PRKG1: variants seen among roughly 807,000 people sequenced by gnomAD.
PRKG1 encodes cGMP-dependent protein kinase 1.
A neutral mutation model predicts 88.1 loss-of-function variants in PRKG1; 35 were observed. The observed-to-expected ratio is 0.40, with a 90% CI of 0.30 to 0.53. PRKG1 has a LOEUF of 0.53. Ranked by LOEUF, PRKG1 falls within the 20% of genes least tolerant of loss-of-function variation. PRKG1 has a pLI of 0.59. For synonymous variants in PRKG1, 303 were observed against 292.5 expected, an observed-to-expected ratio of 1.04 and a Z score of -0.37; for missense variants, 540 against 839.8, an observed-to-expected ratio of 0.64 and a Z score of 4.41.
intron 1 of PRKG1, among the ~76,000 whole-genome samples, chr10:51,088,965 A>C (rs1242225555): frequency 3.3e-5 from 5 of 152,094 alleles, no homozygotes; most frequent in African/African-American, 1.2e-4. Flanking sequence ...TTGCATTTGG[A>C]TGCTTTGGCA....
intron 9 of PRKG1, among the ~76,000 whole-genome samples, chr10:52,217,979 C>T (rs774363490): frequency 1.3e-5 from 2 of 151,922 alleles, no homozygotes; most frequent in African/African-American, 4.8e-5. Flanking sequence ...TTTGGGAGGC[C>T]GAGGCAGGTG....
chr10:51,234,372 G>A (rs1838926276), intron 2 of PRKG1, among the ~76,000 whole-genome samples: 1 of 152,158 alleles, frequency 6.6e-6, no homozygotes, highest in South Asian at 2.1e-4. Flanking sequence ...GATAGAAGCT[G>A]CTGCTTCGTT....
chr10:51,920,425 G>A (rs1842439518), intron 5 of PRKG1, among the ~76,000 whole-genome samples: 1 of 152,108 alleles, frequency 6.6e-6, no homozygotes, highest in Non-Finnish European at 1.5e-5. Flanking sequence ...CCATCTTGCC[G>A]ATTTCCCAGT....
rs544333026 is a variant in PRKG1 at position 52,128,673 on chromosome 10, A to G, written c.936-5167A>G. The G allele has an allele frequency of 1.0e-5, 7 of 698,694 alleles. No homozygotes were observed. The East Asian group carries it at 6.7e-4, about 67-fold the overall frequency. 43.3% of individuals were successfully genotyped at this position (698,694 alleles called of 1,614,324 possible). Reference sequence around the variant, plus strand: ...TAAAAAGAGGCCACTACTAAACTGCATAGCTTTGATTGTAATTACTAATTA... The same window carrying G: ...TAAAAAGAGGCCACTACTAAACTGCGTAGCTTTGATTGTAATTACTAATTA... On this transcript the variant is annotated intron_variant, in intron 7 of 17. Coordinates refer to ENST00000373980, the MANE Select transcript of PRKG1 (RefSeq NM_006258.4).
At chr10:52,179,934 G>A (rs984687924) in intron 9 of PRKG1, among the ~76,000 whole-genome samples, 10 of 152,220 alleles carry the variant, frequency 6.6e-5, no homozygotes, top group East Asian at 1.9e-4. Flanking sequence ...TGATCTGCCC[G>A]CTTTGGCATC....
chr10:51,742,415 G>A (rs115220773), intron 3 of PRKG1, among the ~76,000 whole-genome samples: 4 of 152,284 alleles, frequency 2.6e-5, no homozygotes, highest in African/African-American at 4.8e-5. Context: ...CTTAATAGCC[G>A]TGAGATAAGA....
intron 3 of PRKG1, among the ~76,000 whole-genome samples, chr10:51,532,229 T>C (rs1386695486): frequency 6.6e-6 from 1 of 152,212 alleles, no homozygotes; most frequent in Admixed American, 6.5e-5. Flanking sequence ...GACTATTGTT[T>C]CAGTGGGTTG....
chr10:52,201,107 C>T (rs1190107574), intron 9 of PRKG1, among the ~76,000 whole-genome samples: 1 of 151,982 alleles, frequency 6.6e-6, no homozygotes, highest in Non-Finnish European at 1.5e-5. Flanking sequence ...CTTTTGGTGC[C>T]TTCGTTATGA....
At chr10:52,065,605 C>T (rs992723463) in intron 7 of PRKG1, among the ~76,000 whole-genome samples, 1 of 152,156 alleles carries the variant, frequency 6.6e-6, no homozygotes, top group Non-Finnish European at 1.5e-5. Flanking sequence ...TCAGAAGTAA[C>T]TACACTCAAC....
chr10:51,036,343 C>T (rs1031866568), intron 1 of PRKG1, among the ~76,000 whole-genome samples: 12 of 152,072 alleles, frequency 7.9e-5, no homozygotes, highest in African/African-American at 2.9e-4. Flanking sequence ...ACAGGTATTA[C>T]TTTCATAGGA....
At chr10:51,444,203 G>C (rs1279891674) in intron 2 of PRKG1, among the ~76,000 whole-genome samples, 1 of 151,408 alleles carries the variant, frequency 6.6e-6, no homozygotes, top group Non-Finnish European at 1.5e-5. Context: ...GCCTTGAAAT[G>C]GGCAGGGTCT....
intron 5 of PRKG1, among the ~76,000 whole-genome samples, chr10:51,943,913 C>G (rs1277370076): frequency 6.6e-6 from 1 of 151,904 alleles, no homozygotes; most frequent in Admixed American, 6.6e-5. Flanking sequence ...GTCTAAAATT[C>G]TCTTTTTTGG....
At chr10:51,512,052 T>C (rs1205567410) in intron 3 of PRKG1, among the ~76,000 whole-genome samples, 20 of 152,270 alleles carry the variant, frequency 1.3e-4, no homozygotes, top group Non-Finnish European at 4.4e-5. Context: ...ATTCCATTTA[T>C]ACAAAGTACC....
chr10:50,993,822 T>A (rs1348522588), intron 1 of PRKG1, among the ~76,000 whole-genome samples: 1 of 152,090 alleles, frequency 6.6e-6, no homozygotes, highest in Non-Finnish European at 1.5e-5. Context: ...AGGAGGTGTT[T>A]TGTTGTTGTT....
chr10:51,392,903 GGGGGCTGACCACCCCCACCTCCCTCC>G (rs1837460339), intron 2 of PRKG1, among the ~76,000 whole-genome samples: 2 of 68,928 alleles, frequency 2.9e-5, no homozygotes, highest in Non-Finnish European at 8.1e-5. Context: ...TGGCCGGGTG[GGGGGCTGACCACCCCCACCTCCCTCC>G]CGGACGGGGC....
At chr10:51,445,752 G>C (rs1839254446) in intron 2 of PRKG1, among the ~76,000 whole-genome samples, 1 of 151,654 alleles carries the variant, frequency 6.6e-6, no homozygotes, top group Non-Finnish European at 1.5e-5. Context: ...AAAATGTCTT[G>C]TGTGACTGGA....
At chr10:51,245,469 G>A (rs923816285) in intron 2 of PRKG1, 6 of 152,030 alleles carry the variant, frequency 3.9e-5, no homozygotes, top group Admixed American at 1.3e-4. Context: ...ATTTAGAGAT[G>A]TGCACACTAT....
At chr10:51,491,362 C>A (rs1241680954) in intron 3 of PRKG1, among the ~76,000 whole-genome samples, 1 of 152,018 alleles carries the variant, frequency 6.6e-6, no homozygotes, top group Non-Finnish European at 1.5e-5. Flanking sequence ...ATGGCAGATA[C>A]CTCAGATGGA....
chr10:51,105,568 A>AT (rs1243645816), intron 1 of PRKG1, among the ~76,000 whole-genome samples: 1 of 152,328 alleles, frequency 6.6e-6, no homozygotes, highest in East Asian at 1.9e-4. Context: ...GATGTCTATT[A>AT]TTTTTTGTAA....
Sources: allele counts gnomAD v4.1 joint callset (sites outside exome capture counted in the v4.1 genomes callset), GRCh38; gene constraint gnomAD v4.1.1; transcripts MANE v1.5; gene names NCBI Gene and HGNC (gene_info 2026-07-23, HGNC 2026-07-21).